Variants in SPATA13 observed in about 807,000 individuals in gnomAD.
SPATA13 encodes the protein spermatogenesis associated 13, also known as spermatogenesis-associated protein 13.
In SPATA13, 50 loss-of-function variants were observed where a neutral mutation model predicts 104.0. The observed-to-expected ratio is 0.48, with a 90% CI of 0.38 to 0.61. The LOEUF (loss-of-function observed/expected upper bound fraction) is 0.61. Ranked by LOEUF, SPATA13 falls within the 20% of genes least tolerant of loss-of-function variation. The pLI, the probability that SPATA13 is intolerant of heterozygous loss-of-function variation, is 0.00. For missense variants in SPATA13, 1,524 were observed against 1,690.6 expected (o/e 0.90, Z 1.73); for synonymous variants, 606 against 667.5 (o/e 0.91, Z 1.42).
rs750437771 is a variant in SPATA13, at chr13:24,251,835, C to T, written c.2137C>T (p.Arg713Cys). The T allele has an allele frequency of 4.0e-5, 65 of 1,613,850 alleles. No homozygotes were observed. Among genetic ancestry groups the T allele is most frequent in the South Asian group, 7.7e-5 (7 of 91,080 alleles). The change falls in exon 4 of 13, where the codon CGC becomes TGC. Residue 713 changes from arginine to cysteine, a missense_variant. By Grantham distance (180) the Arg-to-Cys change is radical (BLOSUM62 -3). Around this residue, in one of 2 missense-constraint regions of SPATA13, gnomAD observed 1,089 missense variants for 1,135.9 expected, o/e 0.96. Coordinates refer to ENST00000382108, the MANE Select transcript of SPATA13 (RefSeq NM_001166271.3). ...CCCCATTGGGTTGGACCGTGTGGGA[C>T]GCCGGCGGCAGATGAGAGCATCCAA... ...STPIGLDRVG[R>C]RRQMRASNVS... is the part of the protein sequence containing the mutation.
Position 24,223,033 on chromosome 13 carries a change from A to G in SPATA13, c.104A>G (p.Asp35Gly). 1 of 1,551,632 alleles carries G rather than the reference A, an allele frequency of 6.4e-7. No homozygotes were observed. Among genetic ancestry groups the G allele is most frequent in the South Asian group, 1.2e-5 (1 of 84,062 alleles). Reference protein sequence around the residue: ...PGPAAPCAGSDLKDAKMVTSL... With the variant: ...PGPAAPCAGSGLKDAKMVTSL... ...CCCGCAGCCCCCTGTGCAGGCTCGG[A>G]CCTGAAAGACGCCAAGATGGTGACC... The change falls in exon 2 of 13, where the codon GAC (aspartate) becomes GGC (glycine). Residue 35 changes from aspartate to glycine, a missense_variant. Coordinates refer to ENST00000382108, the MANE Select transcript of SPATA13 (RefSeq NM_001166271.3).
chr13:24,123,597 C>G, intron 3 of SPATA13: 3 of 1,608,416 alleles, frequency 1.9e-6, no homozygotes, highest in Non-Finnish European at 2.6e-6. Context: ...CCTCTTACTA[C>G]AGGCTGTAAA....
intron 3 of SPATA13, among the ~76,000 whole-genome samples, chr13:24,096,630 G>T (rs888723516): frequency 6.6e-6 from 1 of 152,104 alleles, no homozygotes; most frequent in Non-Finnish European, 1.5e-5. Context: ...ATTTGGACAG[G>T]TATGGAGAAG....
rs777415040 is a variant in SPATA13, at chr13:24,205,864, G to A, written c.-111-16955G>A. Among the ~76,000 whole-genome samples, 7 of 152,068 alleles carry A rather than the reference G, an allele frequency of 4.6e-5. No homozygotes were observed. Among genetic ancestry groups the A allele is most frequent in the Non-Finnish European group, 1.0e-4 (7 of 68,008 alleles). On this transcript the variant is annotated intron_variant, in intron 1 of 12. Coordinates refer to ENST00000382108, the MANE Select transcript of SPATA13 (RefSeq NM_001166271.3). The surrounding 1 kb of genome is among the most constrained non-coding windows in gnomAD (Gnocchi z 4.1). ...ATACCCTATTTAATAAATGGTGCTC[G>A]GAGAACAAGCTAGCAGAAAATTGAA...
intron 1 of SPATA13, among the ~76,000 whole-genome samples, chr13:24,210,683 G>A (rs1201236185): frequency 1.3e-5 from 2 of 150,816 alleles, no homozygotes; most frequent in Non-Finnish European, 3.0e-5. Context: ...AAATCAGGTA[G>A]TGTGATGTCT....
At chr13:24,025,395 A>C (rs1014811497) in intron 3 of SPATA13, among the ~76,000 whole-genome samples, 8 of 152,286 alleles carry the variant, frequency 5.3e-5, no homozygotes, top group Non-Finnish European at 7.4e-5. Context: ...ATGGACATTA[A>C]TTTCCAGTTG....
intron 3 of SPATA13, among the ~76,000 whole-genome samples, chr13:24,124,923 A>G (rs1881160255): frequency 6.6e-6 from 1 of 152,154 alleles, no homozygotes; most frequent in Non-Finnish European, 1.5e-5. Context: ...AGATCTGTAG[A>G]ACCAAGTCTC....
chr13:24,067,020 A>G (rs1158536474), intron 3 of SPATA13, among the ~76,000 whole-genome samples: 1 of 152,180 alleles, frequency 6.6e-6, no homozygotes, highest in Non-Finnish European at 1.5e-5. Flanking sequence ...TGCCATCCTC[A>G]GTATACCCAG....
intron 9 of SPATA13, 126 bp from the exon 10 acceptor site, chr13:24,294,613 C>G (rs938108860): frequency 1.0e-6 from 1 of 952,932 alleles, no homozygotes; most frequent in African/African-American, 2.4e-5. Flanking sequence ...GAAACAGTGG[C>G]TAATGACGTA....
At position 24,249,650 on chromosome 13, in the gene SPATA13, T is replaced by C. The variant is rs754320839; in HGVS notation, c.1827T>C (p.Ala609=). ...RSLSIPEDSV[A]ADPQKEDRVD... ...TGTCTATTCCTGAAGACTCGGTTGCTGCAGACCCCCAGAAGGAAGACCGTG... is the reference window on the plus strand; with the variant it reads ...TGTCTATTCCTGAAGACTCGGTTGCCGCAGACCCCCAGAAGGAAGACCGTG... Residue 609 remains alanine, a synonymous_variant, in exon 3 of 13, where the codon GCT becomes GCC. Transcript: ENST00000382108. 2.2e-5 allele frequency: 36 copies of C among 1,613,454 alleles called. No homozygotes were observed. In the Admixed American group the frequency reaches 6.0e-4, roughly 27 times the overall value.
chr13:23,989,060 A>T (rs4770539), intron 2 of SPATA13, among the ~76,000 whole-genome samples: 21,141 of 152,172 alleles, frequency 0.14, 1,827 homozygotes, highest in Admixed American at 0.26. Context: ...GAAATGGTTC[A>T]TATGCTGAAG....
intron 12 of SPATA13, among the ~76,000 whole-genome samples, chr13:24,300,785 C>T (rs1877128598): frequency 6.6e-6 from 1 of 152,172 alleles, no homozygotes; most frequent in Non-Finnish European, 1.5e-5. Context: ...TGGTGTTAGC[C>T]ACAAGGTCAC....
chr13:24,085,301 AT>A (rs1879682271), intron 3 of SPATA13, among the ~76,000 whole-genome samples: 1 of 152,062 alleles, frequency 6.6e-6, no homozygotes, highest in Non-Finnish European at 1.5e-5. Context: ...AAATTTTTGT[AT>A]TTTTAGTAGA....
chr13:24,188,061 C>A (rs1335277298), intron 1 of SPATA13, among the ~76,000 whole-genome samples: 2 of 152,230 alleles, frequency 1.3e-5, no homozygotes, highest in East Asian at 3.9e-4. Flanking sequence ...ATACTCCAGG[C>A]CAGGCGTGGT....
At chr13:24,008,869 C>T (rs1876343441) in intron 2 of SPATA13, among the ~76,000 whole-genome samples, 1 of 152,182 alleles carries the variant, frequency 6.6e-6, no homozygotes, top group South Asian at 2.1e-4. Flanking sequence ...CCACAGGCCC[C>T]AGACAGCCAT....
At chr13:24,179,624 C>A (rs1230663247) in intron 1 of SPATA13, among the ~76,000 whole-genome samples, 2 of 152,176 alleles carry the variant, frequency 1.3e-5, no homozygotes, top group Non-Finnish European at 2.9e-5. Flanking sequence ...CCACTCCCAG[C>A]CCCTGGCAAC....
intron 3 of SPATA13, among the ~76,000 whole-genome samples, chr13:24,250,165 G>A (rs534964177): frequency 1.3e-5 from 2 of 152,260 alleles, no homozygotes; most frequent in Admixed American, 6.5e-5. Flanking sequence ...CCTGAAAGAA[G>A]TAATTGTTGA....
chr13:24,248,274 G>T (rs1428090344), intron 2 of SPATA13, among the ~76,000 whole-genome samples: 1 of 152,210 alleles, frequency 6.6e-6, no homozygotes, highest in Non-Finnish European at 1.5e-5. Flanking sequence ...CATAAGAGCT[G>T]TCTCACCATT....
intron 2 of SPATA13, among the ~76,000 whole-genome samples, chr13:23,996,007 CAG>C (rs886401013): frequency 3.2e-4 from 48 of 152,324 alleles, no homozygotes; most frequent in African/African-American, 1.2e-3. Context: ...CTGTGAGACA[CAG>C]AGAACTCAGG....
Sources: gnomAD v4.1 joint callset for allele counts (sites outside exome capture counted in the v4.1 genomes callset) on GRCh38, gnomAD v4.1.1 for gene constraint, gnomAD v4.1.1 regional missense constraint, Gnocchi (gnomAD v3.1) non-coding constraint, MANE v1.5 for transcripts, NCBI Gene and HGNC (gene_info 2026-07-23, HGNC 2026-07-21) for gene names.